Variants in SHLD1 observed in about 807,000 individuals in gnomAD.
SHLD1 encodes RINN1-REV7-interacting novel NHEJ regulator 3.
A neutral mutation model predicts 5.5 loss-of-function variants in SHLD1; 3 were observed. That is an observed-to-expected ratio of 0.54 (90% CI 0.25 to 1.40). The LOEUF (loss-of-function observed/expected upper bound fraction) is 1.40. SHLD1 is among the 40% of genes most tolerant of loss of function. The pLI, the probability that SHLD1 is intolerant of heterozygous loss-of-function variation, is 0.15. For missense variants in SHLD1, 210 were observed against 244.4 expected (o/e 0.86, Z 0.94); for synonymous variants, 92 against 94.3 (o/e 0.98, Z 0.14).
In SHLD1 at chr20:5,785,739, T is replaced by C. The variant is rs554445127; in HGVS notation, c.178+12696T>C. Among the ~76,000 whole-genome samples the C allele has an allele frequency of 6.0e-3, 859 of 143,780 alleles. 8 individuals are homozygous for C. Among genetic ancestry groups the C allele is most frequent in the South Asian group, 0.021 (99 of 4,654 alleles). 94.3% of individuals were successfully genotyped at this position (143,780 alleles called of 152,430 possible). On this transcript the variant is annotated intron_variant, in intron 2 of 2. Transcript: ENST00000303142. The stretch of plus-strand genomic sequence containing the variant: ...TGAACCCGGGAGACAGAGGTTGCAG[T>C]GAGCCGAGACTGTGCCACTGCACTC...
intron 1 of SHLD1, among the ~76,000 whole-genome samples, chr20:5,772,502 T>C (rs1985221137): frequency 6.6e-6 from 1 of 152,228 alleles, no homozygotes. Context: ...TTCTGGAGTT[T>C]TCCATGTAAT....
chr20:5,817,492 C>G lies in SHLD1; in HGVS notation c.178+44449C>G, dbSNP rs1052517840. The stretch of plus-strand genomic sequence containing the variant: ...TGTGTGTTGGGATTACAGGCGTGAG[C>G]CACTGCATCCAGCCTAAACTCACTA... On this transcript the variant is annotated intron_variant, in intron 2 of 2. Coordinates refer to ENST00000303142, the MANE Select transcript of SHLD1 (RefSeq NM_152504.4). Among the ~76,000 whole-genome samples the G allele has an allele frequency of 2.1e-5, 3 of 142,284 alleles. No individual in the cohort carries two copies. The Admixed American group carries it at 2.2e-4, about 10-fold the overall frequency. The allele number at this position is 142,284 out of a possible 152,430, so 93.3% of individuals were successfully genotyped here.
chr20:5,796,993 G>T (rs6116958), intron 2 of SHLD1, among the ~76,000 whole-genome samples: 4,190 of 152,242 alleles, frequency 0.028, 213 homozygotes, highest in African/African-American at 0.095. Flanking sequence ...CCAGGAAAAT[G>T]AGAAGTATTA....
chr20:5,822,523 GT>G (rs34432530), intron 2 of SHLD1, among the ~76,000 whole-genome samples: 27,908 of 151,960 alleles, frequency 0.18, 2,957 homozygotes, highest in Non-Finnish European at 0.23. Flanking sequence ...GTGTTGCTTT[GT>G]TGTGTGCATG....
At chr20:5,820,961 G>C (rs2087599240) in intron 2 of SHLD1, among the ~76,000 whole-genome samples, 1 of 152,204 alleles carries the variant, frequency 6.6e-6, no homozygotes, top group Non-Finnish European at 1.5e-5. Context: ...AGCCTGCTGG[G>C]AAGGCAGTTC....
intron 2 of SHLD1, among the ~76,000 whole-genome samples, chr20:5,828,044 GGT>G (rs2087686795): frequency 6.6e-6 from 1 of 152,174 alleles, no homozygotes; most frequent in African/African-American, 2.4e-5. Flanking sequence ...GGTTAAAGGT[GGT>G]GTTAGTTATA....
intron 1 of SHLD1, among the ~76,000 whole-genome samples, chr20:5,763,273 A>G (rs1004864787): frequency 6.9e-6 from 1 of 144,976 alleles, no homozygotes; most frequent in Non-Finnish European, 1.5e-5. Flanking sequence ...CTGGGCAACA[A>G]GAGCAAAACT....
chr20:5,856,356 C>T (rs1464730104), intron 2 of SHLD1, among the ~76,000 whole-genome samples: 1 of 152,238 alleles, frequency 6.6e-6, no homozygotes, highest in Non-Finnish European at 1.5e-5. Context: ...GCTAGTCAGA[C>T]TCTCATGCAG....
intron 1 of SHLD1, among the ~76,000 whole-genome samples, chr20:5,766,865 A>G (rs1041758697): frequency 6.6e-6 from 1 of 152,114 alleles, no homozygotes; most frequent in African/African-American, 2.4e-5. Context: ...TCTGCCTCCC[A>G]AAGTGCTAGG....
In SHLD1 at chr20:5,855,458, A is replaced by ACCTC. The variant is rs1411751991; in HGVS notation, c.179-7563_179-7560dup. The stretch of plus-strand genomic sequence containing the variant: ...ATGATCTTGGCTCATGGCAACCTCC[A>ACCTC]CCTCCCGCGTTCAAGAGATTCTTGT... On this transcript the variant is annotated intron_variant, in intron 2 of 2. Transcript: ENST00000303142. The surrounding 1 kb of genome is among the most constrained non-coding windows in gnomAD (Gnocchi z 4.4). 2.6e-5 allele frequency among the ~76,000 whole-genome samples: 4 copies of ACCTC among 151,788 alleles called. No homozygotes were observed. The highest frequency in any genetic ancestry group is 1.3e-4 in the Admixed American group (2 of 15,228).
chr20:5,847,838 T>C (rs1568530051), intron 2 of SHLD1, among the ~76,000 whole-genome samples: 2 of 152,216 alleles, frequency 1.3e-5, no homozygotes, highest in Non-Finnish European at 2.9e-5. Flanking sequence ...CAGGATCTAG[T>C]CAAGTCGAAA....
intron 2 of SHLD1, among the ~76,000 whole-genome samples, chr20:5,784,490 G>C (rs1275220272): frequency 2.0e-5 from 3 of 151,654 alleles, no homozygotes; most frequent in Non-Finnish European, 4.4e-5. Context: ...CTCCTCTGCT[G>C]TCCAGGCTGG....
intron 2 of SHLD1, among the ~76,000 whole-genome samples, chr20:5,823,352 G>T (rs2087629464): frequency 6.6e-6 from 1 of 152,016 alleles, no homozygotes; most frequent in Non-Finnish European, 1.5e-5. Flanking sequence ...GGCCAGATTG[G>T]TCTCAAACTC....
intron 2 of SHLD1, among the ~76,000 whole-genome samples, chr20:5,822,343 C>T (rs2087615567): frequency 2.0e-5 from 3 of 152,038 alleles, no homozygotes; most frequent in African/African-American, 7.3e-5. Flanking sequence ...CCTGTAGTGC[C>T]AGCTACTTGG....
intron 2 of SHLD1, among the ~76,000 whole-genome samples, chr20:5,831,902 T>C (rs995646119): frequency 5.3e-5 from 8 of 152,200 alleles, no homozygotes; most frequent in African/African-American, 1.9e-4. Context: ...GCTTTTCCTA[T>C]AATACATGTG....
intron 2 of SHLD1, 76 bp from the exon 3 acceptor site, chr20:5,862,948 A>C: frequency 3.1e-6 from 4 of 1,276,982 alleles, no homozygotes; most frequent in Middle Eastern, 2.3e-4. Flanking sequence ...CTGAAAATAG[A>C]CATCATCTGC....
intron 2 of SHLD1, among the ~76,000 whole-genome samples, chr20:5,803,464 C>T (rs2087327428): frequency 6.6e-6 from 1 of 152,182 alleles, no homozygotes; most frequent in East Asian, 1.9e-4. Flanking sequence ...CCACCAAGCC[C>T]AGTCTGTAGA....
At position 5,764,223 on chromosome 20, in the gene SHLD1, A is replaced by G. The variant is rs28485923; in HGVS notation, c.-4-8639A>G. ...TATATATATATTTGTGTGTGTGTAT[A>G]TATATATATATATATACATTTCTTT... On this transcript the variant is annotated intron_variant, in intron 1 of 2. Transcript: ENST00000303142. Among the ~76,000 whole-genome samples, 125 of 138,660 alleles carry G rather than the reference A, an allele frequency of 9.0e-4. 1 individual carries two copies. The highest frequency in any genetic ancestry group is 1.6e-3 in the East Asian group (8 of 4,936). The allele number at this position is 138,660 out of a possible 152,430, so 91.0% of individuals were successfully genotyped here.
At position 5,806,142 on chromosome 20, in the gene SHLD1, G is replaced by A. The variant is rs1436051672; in HGVS notation, c.178+33099G>A. ...AGCCTCCCAAAATGTTGGGATAATA[G>A]GTGTGAGCTACCACATCTGGCTGCT... On this transcript the variant is annotated intron_variant, in intron 2 of 2. Transcript: ENST00000303142. The surrounding 1 kb of genome is among the most constrained non-coding windows in gnomAD (Gnocchi z 7.6). Among the ~76,000 whole-genome samples, 1 of 152,214 alleles carries A rather than the reference G, an allele frequency of 6.6e-6. No individual in the cohort carries two copies. The highest frequency in any genetic ancestry group is 1.5e-5 in the Non-Finnish European group (1 of 68,044).
Sources: gnomAD v4.1 joint callset for allele counts (sites outside exome capture counted in the v4.1 genomes callset) on GRCh38, gnomAD v4.1.1 for gene constraint, Gnocchi (gnomAD v3.1) non-coding constraint, MANE v1.5 for transcripts, NCBI Gene and HGNC (gene_info 2026-07-23, HGNC 2026-07-21) for gene names.